The following UBE2H variants were observed in gnomAD, a reference collection of about 807,000 sequenced individuals.
The protein encoded by UBE2H is ubiquitin conjugating enzyme E2 H.
UBE2H carries 3 observed loss-of-function variants against 29.0 expected under a neutral mutation model. The ratio of observed to expected loss-of-function variants is 0.10; its 90% CI spans 0.05 to 0.27. UBE2H has a LOEUF of 0.27. Among genes scored for constraint, UBE2H ranks in the 10% least tolerant of loss-of-function variants. UBE2H has a pLI of 1.00. For missense variants in UBE2H, 68 were observed against 228.2 expected (o/e 0.30, Z 4.52); for synonymous variants, 69 against 82.9 (o/e 0.83, Z 0.91).
At chr7:129,867,783 A>T (rs568994968) in intron 3 of UBE2H, among the ~76,000 whole-genome samples, 38 of 109,910 alleles carry the variant, frequency 3.5e-4, no homozygotes, top group African/African-American at 9.3e-4. Flanking sequence ...AAATTAGATT[A>T]AAAAAAAAAA....
intron 1 of UBE2H, among the ~76,000 whole-genome samples, chr7:129,935,083 G>A (rs1157264086): frequency 3.3e-5 from 5 of 150,914 alleles, no homozygotes; most frequent in African/African-American, 1.2e-4. Context: ...TATATATAGA[G>A]GTATACATAG....
At chr7:129,893,518 GC>G (rs1806542403) in intron 1 of UBE2H, among the ~76,000 whole-genome samples, 4 of 152,126 alleles carry the variant, frequency 2.6e-5, no homozygotes, top group Admixed American at 2.6e-4. Flanking sequence ...TGATCCAACT[GC>G]AGAAACAGTT....
intron 1 of UBE2H, among the ~76,000 whole-genome samples, chr7:129,921,653 C>G (rs1807164739): frequency 7.1e-6 from 1 of 140,184 alleles, no homozygotes; most frequent in Non-Finnish European, 1.5e-5. Flanking sequence ...GAGCTGAGAT[C>G]ACGCCACTGC....
chr7:129,893,290 T>C (rs571713180), intron 1 of UBE2H, among the ~76,000 whole-genome samples: 1 of 152,294 alleles, frequency 6.6e-6, no homozygotes, highest in South Asian at 2.1e-4. Context: ...GTTACTTAAA[T>C]AGGAAAATCA....
intron 4 of UBE2H, 113 bp from the exon 5 acceptor site, chr7:129,857,676 A>G: frequency 8.8e-7 from 1 of 1,138,650 alleles, no homozygotes; most frequent in East Asian, 2.5e-5. Flanking sequence ...TCTGTGAAAA[A>G]AAGAATCCCA....
At chr7:129,877,651 G>A (rs889812227) in intron 3 of UBE2H, among the ~76,000 whole-genome samples, 5 of 152,176 alleles carry the variant, frequency 3.3e-5, no homozygotes, top group Non-Finnish European at 7.3e-5. Context: ...CAATTATGAA[G>A]AAGTTAAATT....
At chr7:129,909,144 T>G (rs941728239) in intron 1 of UBE2H, among the ~76,000 whole-genome samples, 2 of 152,042 alleles carry the variant, frequency 1.3e-5, no homozygotes, top group African/African-American at 2.4e-5. Context: ...CTGGAGCCCC[T>G]CTCTCTCAGA....
chr7:129,885,223 C>T (rs976443334), intron 1 of UBE2H, among the ~76,000 whole-genome samples: 5 of 152,110 alleles, frequency 3.3e-5, no homozygotes, highest in African/African-American at 1.2e-4. Flanking sequence ...GATATTCCAG[C>T]CCTTAAAACT....
intron 1 of UBE2H, among the ~76,000 whole-genome samples, chr7:129,900,012 C>T (rs571787763): frequency 6.6e-6 from 1 of 151,912 alleles, no homozygotes; most frequent in African/African-American, 2.4e-5. Flanking sequence ...CAACTGTAAC[C>T]CCAGCTACTC....
intron 1 of UBE2H, among the ~76,000 whole-genome samples, chr7:129,938,150 A>G (rs1305267062): frequency 2.6e-5 from 4 of 152,038 alleles, no homozygotes; most frequent in Non-Finnish European, 5.9e-5. Flanking sequence ...ATGGTTCACA[A>G]CTGTAATCCC....
At chr7:129,934,085 G>T (rs1375448615) in intron 1 of UBE2H, among the ~76,000 whole-genome samples, 1 of 152,170 alleles carries the variant, frequency 6.6e-6, no homozygotes, top group African/African-American at 2.4e-5. Flanking sequence ...ACTTTGCGAG[G>T]CCAAGGTGGG....
intron 1 of UBE2H, among the ~76,000 whole-genome samples, chr7:129,944,367 A>C (rs1807712128): frequency 6.6e-6 from 1 of 152,212 alleles, no homozygotes; most frequent in Non-Finnish European, 1.5e-5. Flanking sequence ...AAACAAAACA[A>C]AACAAAACAA....
intron 1 of UBE2H, among the ~76,000 whole-genome samples, chr7:129,919,198 T>C (rs1046820036): frequency 2.7e-4 from 41 of 151,160 alleles, no homozygotes; most frequent in African/African-American, 9.3e-4. Context: ...CCAACTCTAG[T>C]TCAAAGGAAA....
At chr7:129,857,389 G>T in intron 5 of UBE2H, 122 bp downstream of exon 5, 1 of 930,628 alleles carries the variant, frequency 1.1e-6, no homozygotes, top group Non-Finnish European at 1.6e-6. Flanking sequence ...TTTCCCAGTC[G>T]GTCCCTCAAA....
intron 1 of UBE2H, among the ~76,000 whole-genome samples, chr7:129,896,206 G>A (rs1277550367): frequency 2.0e-5 from 3 of 151,552 alleles, no homozygotes; most frequent in African/African-American, 4.8e-5. Context: ...ACGTGGTGGC[G>A]GGCATCTGTA....
intron 4 of UBE2H, 95 bp downstream of exon 4, chr7:129,858,807 G>T: frequency 8.5e-7 from 1 of 1,171,088 alleles, no homozygotes; most frequent in Non-Finnish European, 1.3e-6. Context: ...TCCTGATAAG[G>T]TCCAAAAAGA....
At chr7:129,884,273 C>T (rs927001056) in intron 1 of UBE2H, among the ~76,000 whole-genome samples, 21 of 151,336 alleles carry the variant, frequency 1.4e-4, no homozygotes, top group African/African-American at 3.6e-4. Context: ...AAAAATTAGC[C>T]GAGCATGGTG....
chr7:129,836,995 G>A (rs891264617), intron 6 of UBE2H, among the ~76,000 whole-genome samples: 9 of 150,832 alleles, frequency 6.0e-5, no homozygotes, highest in East Asian at 4.0e-4. Flanking sequence ...AAAGGGTTTT[G>A]AGCAGGGAAG....
chr7:129,861,702 G>T (rs963201719), intron 3 of UBE2H, among the ~76,000 whole-genome samples: 1 of 152,128 alleles, frequency 6.6e-6, no homozygotes, highest in African/African-American at 2.4e-5. Flanking sequence ...GACCAGCCTG[G>T]CCAACATGGT....
Sources: gnomAD v4.1 joint callset for allele counts (sites outside exome capture counted in the v4.1 genomes callset) on GRCh38, gnomAD v4.1.1 for gene constraint, MANE v1.5 for transcripts, NCBI Gene and HGNC (gene_info 2026-07-23, HGNC 2026-07-21) for gene names.